The following GNAQ variants were observed in gnomAD, a reference collection of about 807,000 sequenced individuals.
The protein encoded by GNAQ is G protein subunit alpha q, also known as guanine nucleotide-binding protein G(q) subunit alpha.
In GNAQ, 8 loss-of-function variants were observed where a neutral mutation model predicts 43.9. The ratio of observed to expected loss-of-function variants is 0.18; its 90% CI spans 0.11 to 0.33. The LOEUF is 0.33. GNAQ is among the 10% of genes least tolerant of loss of function. The pLI is 1.00. For missense variants in GNAQ, 158 were observed against 450.8 expected, an observed-to-expected ratio of 0.35 and a Z score of 5.88; for synonymous variants, 155 against 170.7, an observed-to-expected ratio of 0.91 and a Z score of 0.71.
intron 2 of GNAQ, among the ~76,000 whole-genome samples, chr9:77,865,037 A>G (rs1366824499): frequency 6.6e-6 from 1 of 152,200 alleles, no homozygotes; most frequent in East Asian, 1.9e-4. Flanking sequence ...TTCACCTACT[A>G]AAAGAAAATT....
intron 2 of GNAQ, among the ~76,000 whole-genome samples, chr9:77,909,619 A>G (rs1299714103): frequency 2.0e-5 from 3 of 152,108 alleles, no homozygotes; most frequent in Non-Finnish European, 4.4e-5. Flanking sequence ...CGGGGATATC[A>G]CATTTCTTGA....
At chr9:77,726,333 G>C (rs1825395937) in intron 6 of GNAQ, among the ~76,000 whole-genome samples, 1 of 152,130 alleles carries the variant, frequency 6.6e-6, no homozygotes, top group Non-Finnish European at 1.5e-5. Context: ...GCTAACAAAA[G>C]GTACCATTTC....
chr9:77,903,708 AGT>A (rs1389494472), intron 2 of GNAQ, among the ~76,000 whole-genome samples: 2 of 152,108 alleles, frequency 1.3e-5, no homozygotes, highest in African/African-American at 4.8e-5. Flanking sequence ...TTAAAGCACA[AGT>A]GTGTGTATGT....
chr9:77,818,715 G>C (rs1301877282), intron 2 of GNAQ, among the ~76,000 whole-genome samples: 2 of 151,996 alleles, frequency 1.3e-5, no homozygotes, highest in African/African-American at 2.4e-5. Context: ...AAAAGCAAGG[G>C]AGGGCCAGCC....
intron 5 of GNAQ, among the ~76,000 whole-genome samples, chr9:77,754,944 G>C (rs1235158679): frequency 6.6e-6 from 1 of 152,166 alleles, no homozygotes; most frequent in African/African-American, 2.4e-5. Flanking sequence ...GTTTACTGCA[G>C]CACTATTCAC....
At chr9:77,726,048 T>G (rs2118208188) in intron 6 of GNAQ, among the ~76,000 whole-genome samples, 1 of 152,286 alleles carries the variant, frequency 6.6e-6, no homozygotes, top group East Asian at 1.9e-4. Context: ...CAAGCGTGTT[T>G]AGATCTAAGC....
chr9:78,027,714 G>A lies in GNAQ; in HGVS notation c.136+3386C>T, dbSNP rs569028473. On this transcript the variant is annotated intron_variant, in intron 1 of 6. Transcript: ENST00000286548. ...TGCAGTGAAGTGAGGTCGCGCCATT[G>A]CACTCCAGCTTGGGCAACAAGAGCA... 3.9e-4 allele frequency among the ~76,000 whole-genome samples: 57 copies of A among 144,730 alleles called. 1 individual carries two copies. The South Asian group carries it at 0.012, about 29-fold the overall frequency. 94.9% of individuals were successfully genotyped at this position (144,730 alleles called of 152,430 possible). A position where few individuals can be genotyped will look rare whatever the true frequency, so the allele number is the denominator to read the frequency against.
At chr9:77,790,753 G>A (rs779728856) in intron 5 of GNAQ, among the ~76,000 whole-genome samples, 8 of 152,286 alleles carry the variant, frequency 5.3e-5, no homozygotes, top group Middle Eastern at 3.4e-3. Context: ...AAAGAAAGCT[G>A]GTCTGGAAGG....
At chr9:77,756,313 C>T (rs1026019372) in intron 5 of GNAQ, among the ~76,000 whole-genome samples, 5 of 152,338 alleles carry the variant, frequency 3.3e-5, no homozygotes, top group Middle Eastern at 6.8e-3. Context: ...GTGGGAACCA[C>T]GTGGTATGGT....
At chr9:77,973,060 A>G (rs1332251028) in intron 1 of GNAQ, among the ~76,000 whole-genome samples, 1 of 152,020 alleles carries the variant, frequency 6.6e-6, no homozygotes, top group Non-Finnish European at 1.5e-5. Flanking sequence ...GACTTTAAGT[A>G]TAAATTTTCC....
chr9:78,020,667 C>T (rs909018814), intron 1 of GNAQ, among the ~76,000 whole-genome samples: 2 of 152,158 alleles, frequency 1.3e-5, no homozygotes, highest in African/African-American at 4.8e-5. Context: ...GGCACCTCTC[C>T]TTTGCTCTTC....
At chr9:77,985,048 C>T (rs1183423148) in intron 1 of GNAQ, among the ~76,000 whole-genome samples, 1 of 152,184 alleles carries the variant, frequency 6.6e-6, no homozygotes, top group Admixed American at 6.5e-5. Flanking sequence ...CGGTGACTCA[C>T]ACCTGTAATC....
At chr9:77,895,521 G>A (rs1828485699) in intron 2 of GNAQ, among the ~76,000 whole-genome samples, 1 of 152,138 alleles carries the variant, frequency 6.6e-6, no homozygotes, top group South Asian at 2.1e-4. Context: ...AGACACTCTA[G>A]AGAGAACCTT....
intron 1 of GNAQ, among the ~76,000 whole-genome samples, chr9:78,002,251 CAGAA>C (rs1345985204): frequency 6.6e-6 from 1 of 152,118 alleles, no homozygotes; most frequent in Non-Finnish European, 1.5e-5. Context: ...AGCCACCTCA[CAGAA>C]AGAATCTATG....
At chr9:77,774,451 TAAAAAAATAA>T (rs1477917783) in intron 5 of GNAQ, among the ~76,000 whole-genome samples, 1 of 152,104 alleles carries the variant, frequency 6.6e-6, no homozygotes, top group African/African-American at 2.4e-5. Flanking sequence ...AAATGCCTTT[TAAAAAAATAA>T]AAGAAAAGAA....
chr9:77,984,108 T>G (rs949911213), intron 1 of GNAQ, among the ~76,000 whole-genome samples: 1 of 133,626 alleles, frequency 7.5e-6, no homozygotes, highest in East Asian at 2.4e-4. Flanking sequence ...TCTAGGCAGG[T>G]AGGGCACAAG....
At chr9:77,972,411 G>GT (rs148433712) in intron 1 of GNAQ, among the ~76,000 whole-genome samples, 12 of 150,650 alleles carry the variant, frequency 8.0e-5, no homozygotes, top group South Asian at 4.2e-4. Flanking sequence ...TTCTCATACT[G>GT]TTTTTTTTTC....
intron 2 of GNAQ, among the ~76,000 whole-genome samples, chr9:77,915,545 T>C (rs1274439788): frequency 2.6e-5 from 4 of 151,220 alleles, no homozygotes; most frequent in East Asian, 3.9e-4. Context: ...TGAGACATTT[T>C]CACATACATT....
chr9:77,795,929 T>C (rs898761667), intron 4 of GNAQ, among the ~76,000 whole-genome samples: 1 of 152,224 alleles, frequency 6.6e-6, no homozygotes, highest in African/African-American at 2.4e-5. Context: ...CATGTAATTG[T>C]AATCTGGTTT....
Sources: gnomAD v4.1 joint callset for allele counts (sites outside exome capture counted in the v4.1 genomes callset) on GRCh38, gnomAD v4.1.1 for gene constraint, MANE v1.5 for transcripts, NCBI Gene and HGNC (gene_info 2026-07-23, HGNC 2026-07-21) for gene names.